The following RIPK1 variants were observed in gnomAD, a reference collection of about 807,000 sequenced individuals.
The protein encoded by RIPK1 is receptor interacting serine/threonine kinase 1.
In RIPK1, 27 loss-of-function variants were observed where a neutral mutation model predicts 62.4. The observed-to-expected ratio is 0.43, with a 90% confidence interval of 0.32 to 0.60. The LOEUF is 0.60. Among genes scored for constraint, RIPK1 ranks in the 20% least tolerant of loss-of-function variants. RIPK1 has a pLI of 0.07. For missense variants in RIPK1, 735 were observed against 831.0 expected (o/e 0.88, Z 1.42); for synonymous variants, 287 against 303.2 (o/e 0.95, Z 0.55).
rs928097654 is a variant in RIPK1 at position 3,087,657 on chromosome 6, A to G, written c.839-1924A>G. ...TGGGTTCACGCCATTTTCCTGCCTC[A>G]GCCTCCCGAGTAGCTGGGACTACAG... On this transcript the variant is annotated intron_variant, in intron 6 of 10. Transcript: ENST00000259808. Among the ~76,000 whole-genome samples the G allele has an allele frequency of 3.3e-5, 5 of 150,872 alleles. No homozygotes were observed. The Middle Eastern group carries it at 0.01, about 310-fold the overall frequency.
At chr6:3,064,402 G>T (rs115901610), upstream of RIPK1, among the ~76,000 whole-genome samples, 633 of 152,354 alleles carry the variant, frequency 4.2e-3, 4 homozygotes, top group African/African-American at 0.015. Flanking sequence ...GCAGGATGAC[G>T]TCTGTCCTGG....
chr6:3,084,824 C>T (rs1386669288), intron 5 of RIPK1, among the ~76,000 whole-genome samples: 4 of 152,002 alleles, frequency 2.6e-5, no homozygotes, highest in Middle Eastern at 3.2e-3. Flanking sequence ...GATCTCTTGA[C>T]GTCATGATCC....
intron 7 of RIPK1, among the ~76,000 whole-genome samples, chr6:3,096,590 C>T (rs571230855): frequency 1.0e-4 from 12 of 116,090 alleles, no homozygotes; most frequent in Admixed American, 9.3e-4. Flanking sequence ...GACAGAGTCT[C>T]GCTCTGTCTC....
At chr6:3,099,127 G>T (rs748504530) in intron 7 of RIPK1, among the ~76,000 whole-genome samples, 1 of 152,132 alleles carries the variant, frequency 6.6e-6, no homozygotes, top group East Asian at 1.9e-4. Flanking sequence ...CACAAAATTC[G>T]CAAGGTATAA....
chr6:3,065,796 T>A (rs1331837247), upstream of RIPK1, among the ~76,000 whole-genome samples: 1 of 152,240 alleles, frequency 6.6e-6, no homozygotes, highest in African/African-American at 2.4e-5. Context: ...ATTCTGGTGT[T>A]CTGCAAGGAC....
chr6:3,097,976 G>C (rs1444096008), intron 7 of RIPK1, among the ~76,000 whole-genome samples: 2 of 152,070 alleles, frequency 1.3e-5, no homozygotes, highest in African/African-American at 4.8e-5. Context: ...TGGGAGGATC[G>C]CTTGAGGCCA....
intron 10 of RIPK1, 96 bp downstream of exon 10, chr6:3,111,051 T>G (rs550223500): frequency 1.2e-6 from 1 of 825,366 alleles, no homozygotes; most frequent in African/African-American, 1.7e-5. Context: ...CTGATAATTC[T>G]TCTTGAAAGT....
intron 6 of RIPK1, 144 bp downstream of exon 6, chr6:3,085,552 CAT>C (rs1488292274): frequency 2.4e-6 from 2 of 850,440 alleles, no homozygotes; most frequent in South Asian, 1.8e-5. Context: ...AGATTTCAAA[CAT>C]GTTATTCAGT....
chr6:3,100,103 A>G (rs76846552), intron 7 of RIPK1, among the ~76,000 whole-genome samples: 2 of 152,202 alleles, frequency 1.3e-5, no homozygotes, highest in Non-Finnish European at 2.9e-5. Flanking sequence ...CAATACTTAC[A>G]GTGTGGTCCT....
chr6:3,082,375 T>G (rs915309944), intron 4 of RIPK1, among the ~76,000 whole-genome samples: 5 of 152,350 alleles, frequency 3.3e-5, no homozygotes, highest in African/African-American at 1.2e-4. Flanking sequence ...CCCACATGCT[T>G]GCTTGGATTC....
chr6:3,073,153 C>T (rs1561744521), intron 1 of RIPK1, among the ~76,000 whole-genome samples: 1 of 151,730 alleles, frequency 6.6e-6, no homozygotes, highest in Non-Finnish European at 1.5e-5. Context: ...CGTATATACA[C>T]ATAGACAAAT....
At position 3,105,628 on chromosome 6, in the gene RIPK1, C is replaced by G; in HGVS notation, c.1153C>G (p.His385Asp). ...QSKLQDEANY[H>D]LYGSRMDRQT... is the part of the protein sequence containing the mutation. ...TAAACTCCAAGACGAAGCCAACTAC[C>G]ATCTTTATGGCAGCCGCATGGACAG... The change falls in exon 9 of 11, where the codon CAT becomes GAT. Residue 385 changes from histidine (H) to aspartate (D), a missense_variant. This residue lies in a region of RIPK1 where 671 missense variants were observed against 726.2 expected (regional missense o/e 0.92). Transcript: ENST00000259808. The surrounding 1 kb of genome is among the most constrained non-coding windows in gnomAD (Gnocchi z 4.5). 1 of 1,614,096 alleles carries G rather than the reference C, an allele frequency of 6.2e-7. No individual in the cohort carries two copies. The highest frequency in any genetic ancestry group is 8.5e-7 in the Non-Finnish European group (1 of 1,179,992).
intron 1 of RIPK1, among the ~76,000 whole-genome samples, chr6:3,074,088 G>A (rs538936817): frequency 4.1e-4 from 63 of 152,246 alleles, no homozygotes; most frequent in Admixed American, 6.5e-4. Flanking sequence ...GCTGTTGTTG[G>A]GAGTACATCT....
intron 7 of RIPK1, among the ~76,000 whole-genome samples, chr6:3,094,830 G>A (rs990151980): frequency 6.6e-6 from 1 of 152,034 alleles, no homozygotes; most frequent in Admixed American, 6.6e-5. Context: ...GGGTGGCTGG[G>A]GTGAGAGGAT....
intron 3 of RIPK1, among the ~76,000 whole-genome samples, chr6:3,078,140 C>T (rs1759191539): frequency 6.6e-6 from 1 of 152,148 alleles, no homozygotes; most frequent in African/African-American, 2.4e-5. Flanking sequence ...TCAAGTGATC[C>T]TCCCACCTCA....
intron 1 of RIPK1, among the ~76,000 whole-genome samples, chr6:3,069,154 A>ATGT (rs34440012): frequency 0.75 from 113,969 of 151,966 alleles, 43,049 homozygotes; most frequent in Non-Finnish European, 0.81. Context: ...CACGCCATTA[A>ATGT]TGTTGTTTTG....
At chr6:3,070,046 A>C (rs1163415029) in intron 1 of RIPK1, among the ~76,000 whole-genome samples, 1 of 152,164 alleles carries the variant, frequency 6.6e-6, no homozygotes, top group East Asian at 1.9e-4. Context: ...GGAATACTGC[A>C]GCTCTTCTAT....
chr6:3,089,487 T>C (rs989099495), intron 6 of RIPK1, 94 bp from the exon 7 acceptor site: 7 of 692,634 alleles, frequency 1.0e-5, no homozygotes, highest in South Asian at 3.4e-5. Flanking sequence ...TGCCCACAGA[T>C]TGAGGTAAGT....
intron 3 of RIPK1, among the ~76,000 whole-genome samples, chr6:3,078,445 A>G (rs564481685): frequency 1.3e-5 from 2 of 152,294 alleles, no homozygotes; most frequent in South Asian, 4.1e-4. Flanking sequence ...GATCCTGTGG[A>G]CAGTCCTCCA....
Sources: allele counts gnomAD v4.1 joint callset (sites outside exome capture counted in the v4.1 genomes callset), GRCh38; gene constraint gnomAD v4.1.1; regional missense constraint gnomAD v4.1.1; non-coding constraint Gnocchi (gnomAD v3.1); transcripts MANE v1.5; gene names NCBI Gene and HGNC (gene_info 2026-07-23, HGNC 2026-07-21).